DNAH5: variants seen among roughly 807,000 people sequenced by gnomAD.
DNAH5 encodes dynein axonemal heavy chain 5, also known as axonemal beta dynein heavy chain 5.
A neutral mutation model predicts 518.2 loss-of-function variants in DNAH5; 372 were observed. The observed-to-expected ratio is 0.72, with a 90% CI of 0.66 to 0.78. The LOEUF is 0.78. Ranked by LOEUF, DNAH5 falls within the 30% of genes least tolerant of loss-of-function variation. The pLI is 0.00. For synonymous variants in DNAH5, 2,039 were observed against 2,025.9 expected (o/e 1.01, Z -0.17); for missense variants, 5,523 against 5,687.0 (o/e 0.97, Z 0.93).
In DNAH5 at chr5:13,730,261, C is replaced by T. The variant is rs946915943; in HGVS notation, c.11762-701G>A. Among the ~76,000 whole-genome samples, 3 of 152,102 alleles carry T rather than the reference C, an allele frequency of 2.0e-5. No individual in the cohort carries two copies. In the East Asian group the frequency reaches 5.8e-4, roughly 29 times the overall value. On this transcript the variant is annotated intron_variant, in intron 68 of 78. Transcript: ENST00000265104. Reference sequence around the variant, plus strand: ...TGACAGCAATGTAACAAAAATGACACCTTAAAAATGTTTTTGTTGTCCACT... The same window carrying T: ...TGACAGCAATGTAACAAAAATGACATCTTAAAAATGTTTTTGTTGTCCACT...
At chr5:13,875,588 G>A (rs1580702842) in intron 22 of DNAH5, among the ~76,000 whole-genome samples, 1 of 151,700 alleles carries the variant, frequency 6.6e-6, no homozygotes, top group South Asian at 2.1e-4. Context: ...GAAACTAGTG[G>A]ATCTTATTGC....
At chr5:13,736,561 A>AT (rs913000885) in intron 66 of DNAH5, among the ~76,000 whole-genome samples, 3 of 150,880 alleles carry the variant, frequency 2.0e-5, no homozygotes, top group Non-Finnish European at 3.0e-5. Context: ...TGCCTGGCTA[A>AT]TTTTTTTTTC....
At chr5:13,819,188 G>C (rs1343825435) in intron 41 of DNAH5, among the ~76,000 whole-genome samples, 1 of 152,216 alleles carries the variant, frequency 6.6e-6, no homozygotes, top group Non-Finnish European at 1.5e-5. Flanking sequence ...AAAAATTTGA[G>C]AGGAAGAACA....
chr5:13,951,778 G>A (rs1381400507), intron 1 of DNAH5, among the ~76,000 whole-genome samples: 1 of 152,036 alleles, frequency 6.6e-6, no homozygotes, highest in Non-Finnish European at 1.5e-5. Context: ...TTTCCCTGAG[G>A]GATCATTTTG....
chr5:13,943,282 G>A (rs1468739510), intron 1 of DNAH5, among the ~76,000 whole-genome samples: 2 of 152,240 alleles, frequency 1.3e-5, no homozygotes, highest in Non-Finnish European at 2.9e-5. Flanking sequence ...GTTAAAGGAA[G>A]ATTATTTTAA....
chr5:13,773,165 A>G (rs1167050890), intron 55 of DNAH5, among the ~76,000 whole-genome samples: 1 of 152,196 alleles, frequency 6.6e-6, no homozygotes, highest in African/African-American at 2.4e-5. Flanking sequence ...TGTAGTATGC[A>G]GGCTGTAAAT....
At chr5:13,845,648 T>C (rs149247407) in intron 31 of DNAH5, among the ~76,000 whole-genome samples, 2 of 152,286 alleles carry the variant, frequency 1.3e-5, no homozygotes, top group African/African-American at 4.8e-5. Context: ...GTTATGGATA[T>C]GTGTATTCTG....
At chr5:13,946,847 G>C (rs1017040051), upstream of DNAH5, among the ~76,000 whole-genome samples, 1 of 152,244 alleles carries the variant, frequency 6.6e-6, no homozygotes, top group African/African-American at 2.4e-5. Context: ...ACAAAAGCTC[G>C]TGAGTGCCTT....
At position 13,845,012 on chromosome 5, in the gene DNAH5, CAT is replaced by C. The variant is rs746385698; in HGVS notation, c.5115-21_5115-20del. 9.4e-6 allele frequency: 14 copies of C among 1,495,762 alleles called. No homozygotes were observed. The highest frequency in any genetic ancestry group is 1.3e-5 in the Non-Finnish European group (14 of 1,086,910). 92.7% of individuals were successfully genotyped at this position (1,495,762 alleles called of 1,614,324 possible). A position where few individuals can be genotyped will look rare whatever the true frequency, so the allele number is the denominator to read the frequency against. ...CAAGTACCTACAAGGAGAGGAAAAA[CAT>C]AAACCTTTATAACCACACAAAGCTG... On this transcript the variant is annotated intron_variant, in intron 31 of 78. Coordinates refer to ENST00000265104, the MANE Select transcript of DNAH5 (RefSeq NM_001369.3).
chr5:13,996,183 C>T (rs1783930137), intron 1 of DNAH5, among the ~76,000 whole-genome samples: 1 of 152,274 alleles, frequency 6.6e-6, no homozygotes, highest in East Asian at 1.9e-4. Context: ...CAGTTCAAAA[C>T]TATTCTCTCC....
At chr5:13,989,818 A>G (rs936961449) in intron 1 of DNAH5, among the ~76,000 whole-genome samples, 1 of 151,808 alleles carries the variant, frequency 6.6e-6, no homozygotes, top group African/African-American at 2.4e-5. Flanking sequence ...TATTTCTGAG[A>G]CTTAGAGGTA....
intron 70 of DNAH5, among the ~76,000 whole-genome samples, chr5:13,725,435 A>G (rs1745592808): frequency 6.6e-6 from 1 of 152,234 alleles, no homozygotes; most frequent in Admixed American, 6.5e-5. Context: ...TAACTGATGT[A>G]AGAGTTAATT....
At chr5:13,776,029 A>G (rs1014735594) in intron 55 of DNAH5, among the ~76,000 whole-genome samples, 3 of 151,820 alleles carry the variant, frequency 2.0e-5, no homozygotes. Context: ...TACTACTTTT[A>G]TGTTCCAATT....
At chr5:13,988,471 G>A (rs890631999) in intron 1 of DNAH5, among the ~76,000 whole-genome samples, 10 of 151,788 alleles carry the variant, frequency 6.6e-5, no homozygotes, top group South Asian at 4.2e-4. Context: ...AGGCTGGAGT[G>A]CAGTGGCATG....
At chr5:13,829,902 CAAAAGGAGGTAAAGTTACAATCCCAATT>C in intron 37 of DNAH5, 96 bp downstream of exon 37, 3 of 459,060 alleles carry the variant, frequency 6.5e-6, no homozygotes, top group East Asian at 2.5e-4. Flanking sequence ...AAAAGGTTTT[CAAAAGGAGGTAAAGTTACAATCCCAATT>C]TCCATTCAGG....
chr5:13,850,712 A>G lies in DNAH5; in HGVS notation c.5054T>C (p.Leu1685Pro), dbSNP rs767090203. Residue 1685 changes from leucine to proline, a missense_variant, in exon 31 of 79, where the codon CTG (leucine) becomes CCG (proline). Around this residue, in one of 3 missense-constraint regions of DNAH5, gnomAD observed 5,121 missense variants for 5,223.3 expected, o/e 0.98. Coordinates refer to ENST00000265104, the MANE Select transcript of DNAH5 (RefSeq NM_001369.3). Reference sequence around the variant, plus strand: ...CAGCAAGTGTGGTAACAGCTGCCCCAGGGTCTCATCTCCAACACAGCACTG... The same window carrying G: ...CAGCAAGTGTGGTAACAGCTGCCCCGGGGTCTCATCTCCAACACAGCACTG... ...VVQCCVGDET[L>P]GQLLPHLLDQ... 5.6e-6 allele frequency: 9 copies of G among 1,613,944 alleles called. No individual in the cohort carries two copies. Among genetic ancestry groups the G allele is most frequent in the African/African-American group, 1.3e-5 (1 of 74,928 alleles).
intron 1 of DNAH5, among the ~76,000 whole-genome samples, chr5:13,977,308 C>T (rs986452857): frequency 2.6e-5 from 4 of 152,202 alleles, no homozygotes; most frequent in Admixed American, 6.5e-5. Context: ...CGGGACCTCA[C>T]TGGAAAAGCC....
intron 64 of DNAH5, 59 bp from the exon 65 acceptor site, chr5:13,751,319 T>G: frequency 7.1e-7 from 1 of 1,418,090 alleles, no homozygotes; most frequent in Non-Finnish European, 9.7e-7. Context: ...ACTGTGTCTT[T>G]TTTGTATCAG....
At chr5:13,992,381 G>C (rs1783618745) in intron 1 of DNAH5, among the ~76,000 whole-genome samples, 1 of 152,210 alleles carries the variant, frequency 6.6e-6, no homozygotes, top group Admixed American at 6.5e-5. Context: ...ACATAAGAAT[G>C]AGAAGGAAGG....
Sources: gnomAD v4.1 joint callset for allele counts (sites outside exome capture counted in the v4.1 genomes callset) on GRCh38, gnomAD v4.1.1 for gene constraint, gnomAD v4.1.1 regional missense constraint, MANE v1.5 for transcripts, NCBI Gene and HGNC (gene_info 2026-07-23, HGNC 2026-07-21) for gene names.